PTPRD: variants seen among roughly 807,000 people sequenced by gnomAD.
PTPRD encodes the protein receptor-type tyrosine-protein phosphatase delta.
Under a neutral mutation model 214.5 loss-of-function variants are expected in PTPRD, and 34 were observed. The observed-to-expected ratio is 0.16, with a 90% confidence interval of 0.12 to 0.21. The LOEUF is 0.21. Ranked by LOEUF, PTPRD falls within the 10% of genes least tolerant of loss-of-function variation. PTPRD has a pLI of 1.00. For synonymous variants in PTPRD, 1,128 were observed against 845.7 expected (o/e 1.33, Z -5.79); for missense variants, 2,545 against 2,398.7 (o/e 1.06, Z -1.27).
intron 11 of PTPRD, among the ~76,000 whole-genome samples, chr9:8,740,266 T>C (rs1230574881): frequency 2.6e-5 from 4 of 152,078 alleles, no homozygotes; most frequent in African/African-American, 9.7e-5. Flanking sequence ...TCCTTTAATA[T>C]TAAAGGAAAA....
At chr9:9,024,352 G>T (rs11998766) in intron 10 of PTPRD, among the ~76,000 whole-genome samples, 62,906 of 139,268 alleles carry the variant, frequency 0.45, 14,570 homozygotes, top group Non-Finnish European at 0.48. Flanking sequence ...TTTTTTGTTT[G>T]TTTTTTTTTT....
rs552454665 is a variant in PTPRD at position 10,116,186 on chromosome 9, T to G, written c.-544-82396A>C. Among the ~76,000 whole-genome samples, 67 of 152,236 alleles carry G rather than the reference T, an allele frequency of 4.4e-4. 1 individual carries two copies. The South Asian group carries it at 0.013, about 29-fold the overall frequency. The stretch of plus-strand genomic sequence containing the variant: ...ACCATAGGAGGTTTGCAGTTGCACA[T>G]TGAAATAACCACATCATCATAAAGA... On this transcript the variant is annotated intron_variant, in intron 3 of 45. Transcript: ENST00000381196.
At chr9:9,605,396 T>C (rs2094085858) in intron 7 of PTPRD, among the ~76,000 whole-genome samples, 1 of 152,012 alleles carries the variant, frequency 6.6e-6, no homozygotes, top group Non-Finnish European at 1.5e-5. Context: ...AATGAAGAAA[T>C]AAGTAGGGAA....
chr9:10,416,185 TA>T (rs113992952), intron 2 of PTPRD, among the ~76,000 whole-genome samples: 283 of 142,532 alleles, frequency 2.0e-3, no homozygotes, highest in Non-Finnish European at 1.7e-3. Context: ...CCACCTCTAC[TA>T]AAAAAAAAAA....
At chr9:10,497,263 G>T (rs1047090357) in intron 2 of PTPRD, among the ~76,000 whole-genome samples, 3 of 151,776 alleles carry the variant, frequency 2.0e-5, no homozygotes, top group African/African-American at 7.3e-5. Flanking sequence ...ATACTCATGC[G>T]GTAAACCTGT....
chr9:9,893,829 G>GT (rs992029907), intron 5 of PTPRD, among the ~76,000 whole-genome samples: 1 of 151,592 alleles, frequency 6.6e-6, no homozygotes, highest in South Asian at 2.1e-4. Context: ...TATGTTTTGA[G>GT]TTTTTTTTAG....
chr9:9,573,417 A>T (rs76825695), intron 8 of PTPRD, among the ~76,000 whole-genome samples: 7,677 of 127,336 alleles, frequency 0.06, 228 homozygotes, highest in South Asian at 0.092. Flanking sequence ...TTCTTTTTTT[A>T]AAAAAAAAAA....
chr9:9,274,259 T>G (rs115535658), intron 9 of PTPRD, among the ~76,000 whole-genome samples: 329 of 151,428 alleles, frequency 2.2e-3, no homozygotes, highest in African/African-American at 7.7e-3. Flanking sequence ...TTACTATGTT[T>G]GCTTCACATG....
chr9:9,998,127 A>ATATATATATATATATATATATATATATAT (rs1231969776), intron 4 of PTPRD, among the ~76,000 whole-genome samples: 14 of 55,164 alleles, frequency 2.5e-4, no homozygotes, highest in African/African-American at 8.8e-4. Flanking sequence ...AAAAAAAAAA[A>ATATATATATATATATATATATATATATAT]AAATATATAT....
chr9:9,944,883 G>C (rs536797220), intron 4 of PTPRD, among the ~76,000 whole-genome samples: 2 of 152,074 alleles, frequency 1.3e-5, no homozygotes, highest in East Asian at 3.9e-4. Context: ...GGTCCAGTTT[G>C]GCCAGATGTA....
At chr9:8,981,978 T>G (rs1239039834) in intron 11 of PTPRD, among the ~76,000 whole-genome samples, 1 of 152,024 alleles carries the variant, frequency 6.6e-6, no homozygotes, top group African/African-American at 2.4e-5. Context: ...AAAAGGTAGA[T>G]CACTTTTTAA....
intron 12 of PTPRD, among the ~76,000 whole-genome samples, chr9:8,730,751 C>T (rs56227950): frequency 0.066 from 10,037 of 152,218 alleles, 1,034 homozygotes; most frequent in African/African-American, 0.22. Context: ...AATCTTTAAT[C>T]TGCATGCATC....
rs137971347 is a variant in PTPRD at position 10,363,387 on chromosome 9, C to T, written c.-599-22370G>A. ...AGAAATAGTAAATAAGCCCTCTGTG[C>T]ATCAAGATTTCTTTACACACTTCCC... On this transcript the variant is annotated intron_variant, in intron 2 of 45. Coordinates refer to ENST00000381196, the MANE Select transcript of PTPRD (RefSeq NM_002839.4). 1.3e-3 allele frequency among the ~76,000 whole-genome samples: 202 copies of T among 152,274 alleles called. 1 individual carries two copies. Among genetic ancestry groups the T allele is most frequent in the African/African-American group, 4.6e-3 (193 of 41,560 alleles).
chr9:9,133,751 T>C (rs1256840860), intron 10 of PTPRD, among the ~76,000 whole-genome samples: 8 of 152,064 alleles, frequency 5.3e-5, no homozygotes, highest in African/African-American at 1.9e-4. Context: ...TTTTCAATTG[T>C]TTTTTATCAG....
At chr9:10,440,031 T>C (rs2098748469) in intron 2 of PTPRD, among the ~76,000 whole-genome samples, 1 of 151,242 alleles carries the variant, frequency 6.6e-6, no homozygotes, top group Admixed American at 6.6e-5. Context: ...AAAATATATA[T>C]ATAATAGTTT....
intron 42 of PTPRD, among the ~76,000 whole-genome samples, chr9:8,340,051 AT>A (rs1351262269): frequency 1.3e-5 from 2 of 152,132 alleles, no homozygotes; most frequent in African/African-American, 4.8e-5. Flanking sequence ...CAGTAAGAAT[AT>A]GCTAAAAGAA....
At chr9:9,561,412 G>A (rs76835049) in intron 8 of PTPRD, among the ~76,000 whole-genome samples, 5 of 152,258 alleles carry the variant, frequency 3.3e-5, no homozygotes, top group Admixed American at 6.5e-5. Context: ...TGTGCCTCAC[G>A]TATTGGTCAC....
intron 5 of PTPRD, among the ~76,000 whole-genome samples, chr9:9,833,684 G>GGT (rs2055764471): frequency 6.9e-6 from 1 of 144,876 alleles, no homozygotes; most frequent in African/African-American, 2.6e-5. Context: ...GCTCCGGAGA[G>GGT]GGGGGCAGTT....
chr9:9,497,006 T>C (rs191036670), intron 8 of PTPRD, among the ~76,000 whole-genome samples: 11 of 152,202 alleles, frequency 7.2e-5, no homozygotes, highest in Admixed American at 6.5e-4. Flanking sequence ...AAAAGACAAA[T>C]ACTATATGAT....
Sources: gnomAD v4.1 joint callset for allele counts (sites outside exome capture counted in the v4.1 genomes callset) on GRCh38, gnomAD v4.1.1 for gene constraint, MANE v1.5 for transcripts, NCBI Gene and HGNC (gene_info 2026-07-23, HGNC 2026-07-21) for gene names.